ATRNL1: variants seen among roughly 807,000 people sequenced by gnomAD.
ATRNL1 encodes attractin-like protein 1.
In ATRNL1, 95 loss-of-function variants were observed where a neutral mutation model predicts 182.7. That is an observed-to-expected ratio of 0.52 (90% CI 0.44 to 0.62). The LOEUF (loss-of-function observed/expected upper bound fraction) is 0.62. Among genes scored for constraint, ATRNL1 ranks in the 20% least tolerant of loss-of-function variants. The pLI is 0.00. For missense variants in ATRNL1, 1,471 were observed against 1,679.5 expected (o/e 0.88, Z 2.17); for synonymous variants, 576 against 568.3 (o/e 1.01, Z -0.19).
intron 26 of ATRNL1, among the ~76,000 whole-genome samples, chr10:115,567,107 A>T (rs1854117192): frequency 6.6e-6 from 1 of 152,166 alleles, no homozygotes; most frequent in Non-Finnish European, 1.5e-5. Context: ...ATACTGGGTA[A>T]ACAACTGTTG....
chr10:115,117,250 A>G (rs1844529131), intron 1 of ATRNL1, among the ~76,000 whole-genome samples: 1 of 152,006 alleles, frequency 6.6e-6, no homozygotes, highest in Non-Finnish European at 1.5e-5. Context: ...TTAAATTATT[A>G]TTGACTATAG....
intron 26 of ATRNL1, among the ~76,000 whole-genome samples, chr10:115,633,749 T>A (rs1389092219): frequency 2.0e-5 from 3 of 152,128 alleles, no homozygotes; most frequent in African/African-American, 7.2e-5. Flanking sequence ...TTAAAACACT[T>A]TTAGCTATCT....
intron 28 of ATRNL1, among the ~76,000 whole-genome samples, chr10:115,851,092 G>T (rs148458667): frequency 6.6e-6 from 1 of 150,488 alleles, no homozygotes; most frequent in Admixed American, 6.7e-5. Flanking sequence ...TTTTTGTCAG[G>T]CTCCTTGTTT....
At chr10:115,345,062 G>A (rs1287590527) in intron 19 of ATRNL1, among the ~76,000 whole-genome samples, 1 of 152,194 alleles carries the variant, frequency 6.6e-6, no homozygotes, top group Non-Finnish European at 1.5e-5. Context: ...TGCAGTCTGG[G>A]GTTAGAGGAG....
chr10:115,717,674 C>T (rs1947299707), intron 26 of ATRNL1, among the ~76,000 whole-genome samples: 1 of 151,640 alleles, frequency 6.6e-6, no homozygotes, highest in East Asian at 2.0e-4. Flanking sequence ...CCCTCAGCCT[C>T]CTGAGTAGCT....
At chr10:115,505,300 A>C (rs1554981050) in intron 24 of ATRNL1, among the ~76,000 whole-genome samples, 1 of 152,110 alleles carries the variant, frequency 6.6e-6, no homozygotes, top group Non-Finnish European at 1.5e-5. Flanking sequence ...CCATGCTTTT[A>C]CAGTGCACTT....
chr10:115,941,861 A>C (rs1953740787), intron 28 of ATRNL1, among the ~76,000 whole-genome samples: 1 of 152,240 alleles, frequency 6.6e-6, no homozygotes, highest in African/African-American at 2.4e-5. Flanking sequence ...TTACTACTGC[A>C]GAATAAGTGT....
chr10:115,232,481 A>G (rs1554900235), intron 9 of ATRNL1, among the ~76,000 whole-genome samples: 1 of 152,080 alleles, frequency 6.6e-6, no homozygotes, highest in Non-Finnish European at 1.5e-5. Flanking sequence ...TATTTTGCCA[A>G]CATTTTATCT....
intron 26 of ATRNL1, among the ~76,000 whole-genome samples, chr10:115,570,359 A>G (rs1396568887): frequency 2.6e-5 from 4 of 151,944 alleles, no homozygotes; most frequent in Admixed American, 1.3e-4. Context: ...CAACACCATC[A>G]CCCTGGGGGT....
intron 21 of ATRNL1, among the ~76,000 whole-genome samples, chr10:115,428,699 G>A (rs994967345): frequency 6.6e-6 from 1 of 151,862 alleles, no homozygotes; most frequent in African/African-American, 2.4e-5. Flanking sequence ...TTTAATGAAC[G>A]GTATACAGTA....
chr10:115,543,372 T>A (rs1852470512), intron 25 of ATRNL1, among the ~76,000 whole-genome samples: 1 of 152,214 alleles, frequency 6.6e-6, no homozygotes, highest in African/African-American at 2.4e-5. Context: ...TCTGTTAATA[T>A]GTTCGTTTGT....
At chr10:115,485,342 TC>T (rs1848967205) in intron 24 of ATRNL1, among the ~76,000 whole-genome samples, 1 of 152,048 alleles carries the variant, frequency 6.6e-6, no homozygotes, top group Admixed American at 6.6e-5. Flanking sequence ...GCTACTTTTT[TC>T]TAAATTTATT....
At chr10:115,720,828 GAATGTGTCAGT>G (rs1947398930) in intron 26 of ATRNL1, among the ~76,000 whole-genome samples, 1 of 152,200 alleles carries the variant, frequency 6.6e-6, no homozygotes, top group Non-Finnish European at 1.5e-5. Context: ...TAGCAAATAG[GAATGTGTCAGT>G]AATTCTAAAG....
chr10:115,774,938 G>A (rs1303541897), intron 27 of ATRNL1, among the ~76,000 whole-genome samples: 1 of 151,692 alleles, frequency 6.6e-6, no homozygotes, highest in Non-Finnish European at 1.5e-5. Context: ...ATCAAAGGAA[G>A]TTAAATAAAA....
chr10:115,239,930 C>A (rs1337608541), intron 9 of ATRNL1, among the ~76,000 whole-genome samples: 1 of 152,060 alleles, frequency 6.6e-6, no homozygotes, highest in Non-Finnish European at 1.5e-5. Context: ...AGTGAGATAT[C>A]GCTGGCCTGG....
At chr10:115,340,295 A>G (rs1223085288) in intron 19 of ATRNL1, among the ~76,000 whole-genome samples, 4 of 152,168 alleles carry the variant, frequency 2.6e-5, no homozygotes, top group Admixed American at 1.3e-4. Context: ...GGTATGTGCC[A>G]ACAAGCCTGG....
intron 26 of ATRNL1, among the ~76,000 whole-genome samples, chr10:115,689,870 A>G (rs1555047528): frequency 2.0e-5 from 3 of 152,172 alleles, no homozygotes; most frequent in Non-Finnish European, 4.4e-5. Context: ...GTGGGGGCAC[A>G]GTTGTCATTC....
chr10:115,382,505 C>T (rs1313772674), intron 19 of ATRNL1, among the ~76,000 whole-genome samples: 1 of 151,656 alleles, frequency 6.6e-6, no homozygotes, highest in Non-Finnish European at 1.5e-5. Flanking sequence ...TATAGAAGCA[C>T]AATAGACTTT....
At chr10:115,146,294 T>C (rs1279085274) in intron 5 of ATRNL1, among the ~76,000 whole-genome samples, 2 of 152,118 alleles carry the variant, frequency 1.3e-5, no homozygotes, top group Non-Finnish European at 2.9e-5. Flanking sequence ...AAGTCTAAAA[T>C]CCTGGAGTAA....
Sources: allele counts gnomAD v4.1 joint callset (sites outside exome capture counted in the v4.1 genomes callset), GRCh38; gene constraint gnomAD v4.1.1; transcripts MANE v1.5; gene names NCBI Gene and HGNC (gene_info 2026-07-23, HGNC 2026-07-21).